Variants in FRS2 observed in about 807,000 individuals in gnomAD.
The protein encoded by FRS2 is FGFR signalling adaptor.
FRS2 carries 8 observed loss-of-function variants against 43.9 expected under a neutral mutation model. That is an observed-to-expected ratio of 0.18 (90% CI 0.11 to 0.33). FRS2 has a LOEUF of 0.33. FRS2 is among the 10% of genes least tolerant of loss of function. The pLI, the probability that FRS2 is intolerant of heterozygous loss-of-function variation, is 1.00. For synonymous variants in FRS2, 219 were observed against 220.3 expected, an observed-to-expected ratio of 0.99 and a Z score of 0.05; for missense variants, 534 against 627.6, an observed-to-expected ratio of 0.85 and a Z score of 1.59.
At chr12:69,480,342 CTA>C (rs1312744018) in intron 1 of FRS2, 1 of 152,188 alleles carries the variant, frequency 6.6e-6, no homozygotes, top group Non-Finnish European at 1.5e-5. Context: ...ACAAATTTGA[CTA>C]TTCTAGGTAC....
rs1881315427 is a variant in FRS2 at position 69,578,153 on chromosome 12, C to T, written c.*3198C>T. On this transcript the variant is annotated 3_prime_UTR_variant, in exon 9 of 9. Coordinates refer to ENST00000549921, the MANE Select transcript of FRS2 (RefSeq NM_001278356.2). ...GATGAAAAAGTACTTCCCAATTCCC[C>T]CGTGCTATTCCTAACCTATAATGCC... is the stretch of plus-strand genomic sequence containing the variant. 6.6e-6 allele frequency: 1 copy of T among 152,592 alleles called. No homozygotes were observed. The highest frequency in any genetic ancestry group is 1.5e-5 in the Non-Finnish European group (1 of 68,018). The allele number at this position is 152,592 out of a possible 1,614,324, so 9.5% of individuals were successfully genotyped here.
At chr12:69,485,082 A>AAAACACAC (rs1477709857) in intron 1 of FRS2, among the ~76,000 whole-genome samples, 1 of 85,304 alleles carries the variant, frequency 1.2e-5, no homozygotes, top group Non-Finnish European at 2.1e-5. Context: ...CTCATCTTAA[A>AAAACACAC]ACACACACAC....
At chr12:69,506,509 A>G (rs1592954158) in intron 1 of FRS2, among the ~76,000 whole-genome samples, 1 of 152,052 alleles carries the variant, frequency 6.6e-6, no homozygotes, top group Admixed American at 6.6e-5. Context: ...TCTGACTGAT[A>G]ACGTATTATT....
At chr12:69,489,099 G>T (rs1467696576) in intron 1 of FRS2, among the ~76,000 whole-genome samples, 1 of 152,146 alleles carries the variant, frequency 6.6e-6, no homozygotes, top group Non-Finnish European at 1.5e-5. Context: ...CCTTCCCAAG[G>T]TCAGGCAGGT....
At chr12:69,544,678 G>T (rs1878211218) in intron 3 of FRS2, among the ~76,000 whole-genome samples, 1 of 152,052 alleles carries the variant, frequency 6.6e-6, no homozygotes, top group African/African-American at 2.4e-5. Flanking sequence ...CTGCATTCCA[G>T]CCTGGGTGAC....
At chr12:69,545,155 T>A (rs524286) in intron 3 of FRS2, among the ~76,000 whole-genome samples, 113,340 of 152,068 alleles carry the variant, frequency 0.75, 42,630 homozygotes, top group East Asian at 0.92. Flanking sequence ...AAATAAATGA[T>A]AAACATCTGA....
At chr12:69,523,996 C>T (rs1201877226) in intron 1 of FRS2, among the ~76,000 whole-genome samples, 1 of 152,206 alleles carries the variant, frequency 6.6e-6, no homozygotes, top group Non-Finnish European at 1.5e-5. Flanking sequence ...CGTGTGTGGA[C>T]TGTGGCAAGG....
intron 4 of FRS2, among the ~76,000 whole-genome samples, chr12:69,565,801 C>T: frequency 6.6e-6 from 1 of 151,740 alleles, no homozygotes; most frequent in Non-Finnish European, 1.5e-5. Flanking sequence ...AAGGACTTGC[C>T]TGAGGCTGTT....
intron 1 of FRS2, among the ~76,000 whole-genome samples, chr12:69,509,502 A>T (rs1218993178): frequency 6.6e-6 from 1 of 152,222 alleles, no homozygotes; most frequent in African/African-American, 2.4e-5. Flanking sequence ...CATGGTATTA[A>T]GTACATTAGT....
At chr12:69,503,201 A>T (rs908034487) in intron 1 of FRS2, among the ~76,000 whole-genome samples, 2 of 152,160 alleles carry the variant, frequency 1.3e-5, no homozygotes, top group African/African-American at 2.4e-5. Flanking sequence ...AGCCACTCTC[A>T]GCTTATAGAT....
chr12:69,574,844 C>T lies in FRS2; in HGVS notation c.1416C>T (p.Ala472=), dbSNP rs749111336. ...CTACCAGGCGCACAGAGCTGTATGC[C>T]GTGATAGACATCGAGAGAACTGCTG... ...QTPTRRTELY[A]VIDIERTAAM... is the part of the protein sequence containing the mutation. Residue 472 remains alanine (A), a synonymous_variant, in exon 9 of 9, where the codon GCC becomes GCT. Transcript: ENST00000549921. The T allele has an allele frequency of 1.3e-5, 21 of 1,613,718 alleles. No individual in the cohort carries two copies. The highest frequency in any genetic ancestry group is 6.6e-5 in the South Asian group (6 of 91,078).
chr12:69,514,613 A>C (rs549910282), intron 1 of FRS2, among the ~76,000 whole-genome samples: 1 of 152,238 alleles, frequency 6.6e-6, no homozygotes, highest in African/African-American at 2.4e-5. Context: ...TGGGTGGATC[A>C]CCTGAGGTCA....
Position 69,574,391 on chromosome 12 carries a change from G to A in FRS2, c.963G>A (p.Arg321=). Residue 321 remains arginine (R), a synonymous_variant, in exon 9 of 9, where the codon AGG becomes AGA. Coordinates refer to ENST00000549921, the MANE Select transcript of FRS2 (RefSeq NM_001278356.2). ...CTATCCCTAGTGCCTCAGGGGTCAG[G>A]AGAGGTCGTCTGACATCCACCAGTA... The part of the protein sequence containing the change: ...GLSIPSASGV[R]RGRLTSTSTS... 1 of 1,613,810 alleles carries A rather than the reference G, an allele frequency of 6.2e-7. No individual in the cohort carries two copies. Among genetic ancestry groups the A allele is most frequent in the African/African-American group, 1.3e-5 (1 of 75,040 alleles).
chr12:69,526,028 T>C (rs1409558200), intron 1 of FRS2, among the ~76,000 whole-genome samples: 1 of 151,970 alleles, frequency 6.6e-6, no homozygotes, highest in Non-Finnish European at 1.5e-5. Flanking sequence ...CCCGGCTAAT[T>C]TTGTGTTTTT....
intron 1 of FRS2, among the ~76,000 whole-genome samples, chr12:69,520,019 C>A (rs1875468684): frequency 6.6e-6 from 1 of 152,210 alleles, no homozygotes; most frequent in South Asian, 2.1e-4. Context: ...AATTTACACT[C>A]TCACCAACTG....
chr12:69,484,115 C>T (rs138967652), intron 1 of FRS2, among the ~76,000 whole-genome samples: 46 of 127,524 alleles, frequency 3.6e-4, no homozygotes, highest in African/African-American at 1.1e-3. Context: ...GACAGAGTCT[C>T]GCTCTGTCGC....
In FRS2 at chr12:69,574,748, C is replaced by G. The variant is rs903698740; in HGVS notation, c.1320C>G (p.Asp440Glu). Residue 440 changes from aspartate to glutamate, a missense_variant, in exon 9 of 9, where the codon GAC becomes GAG. Around this residue, in one of 3 missense-constraint regions of FRS2, gnomAD observed 446 missense variants for 494.2 expected, o/e 0.90. Coordinates refer to ENST00000549921, the MANE Select transcript of FRS2 (RefSeq NM_001278356.2). ...GGCAGCTTAATTACATACAGGTTGA[C>G]TTGGAAGGTGGCAGTGACTCTGACA... ...EHRQLNYIQVDLEGGSDSDNP... is the reference protein window; with the variant it reads ...EHRQLNYIQVELEGGSDSDNP... The G allele has an allele frequency of 1.8e-5, 29 of 1,614,058 alleles. No homozygotes were observed. Among genetic ancestry groups the G allele is most frequent in the Non-Finnish European group, 2.3e-5 (27 of 1,180,028 alleles).
intron 3 of FRS2, among the ~76,000 whole-genome samples, chr12:69,554,042 T>C (rs1448201680): frequency 6.6e-6 from 1 of 152,188 alleles, no homozygotes; most frequent in East Asian, 1.9e-4. Context: ...GTTTCCAGCA[T>C]TTACTCATTA....
chr12:69,491,132 G>GT (rs1872440898), intron 1 of FRS2, among the ~76,000 whole-genome samples: 1 of 152,040 alleles, frequency 6.6e-6, no homozygotes, highest in African/African-American at 2.4e-5. Flanking sequence ...CTCTTGCTCT[G>GT]TCACCCTGGC....
Sources: allele counts gnomAD v4.1 joint callset (sites outside exome capture counted in the v4.1 genomes callset), GRCh38; gene constraint gnomAD v4.1.1; regional missense constraint gnomAD v4.1.1; transcripts MANE v1.5; gene names NCBI Gene and HGNC (gene_info 2026-07-23, HGNC 2026-07-21).